DYM: variants seen among roughly 807,000 people sequenced by gnomAD.
The protein encoded by DYM is dyggve-Melchior-Clausen syndrome protein.
A neutral mutation model predicts 93.1 loss-of-function variants in DYM; 78 were observed. That is an observed-to-expected ratio of 0.84 (90% CI 0.70 to 1.01). DYM has a LOEUF of 1.01. DYM is among the 50% of genes least tolerant of loss of function. The pLI is 0.00. For missense variants in DYM, 789 were observed against 845.0 expected (o/e 0.93, Z 0.82); for synonymous variants, 321 against 319.7 (o/e 1.00, Z -0.04).
At chr18:49,333,211 G>C (rs577321919) in intron 7 of DYM, among the ~76,000 whole-genome samples, 1 of 152,160 alleles carries the variant, frequency 6.6e-6, no homozygotes, top group South Asian at 2.1e-4. Context: ...CTAGGAGATC[G>C]TAAGCTTCTG....
chr18:49,439,440 A>C (rs1482336013), intron 1 of DYM, among the ~76,000 whole-genome samples: 2 of 152,178 alleles, frequency 1.3e-5, no homozygotes, highest in African/African-American at 4.8e-5. Flanking sequence ...GCTGCCTTGA[A>C]ATGTTATTTT....
chr18:49,293,671 G>C (rs998966390), intron 8 of DYM, among the ~76,000 whole-genome samples: 3 of 152,068 alleles, frequency 2.0e-5, no homozygotes, highest in African/African-American at 7.2e-5. Flanking sequence ...GGGGTTGTTT[G>C]CTTTTTTTCT....
intron 6 of DYM, among the ~76,000 whole-genome samples, chr18:49,340,187 C>T (rs867916462): frequency 2.0e-5 from 3 of 152,154 alleles, no homozygotes; most frequent in Middle Eastern, 3.4e-3. Context: ...CTCCTGATCT[C>T]GTGATCCGCC....
intron 13 of DYM, among the ~76,000 whole-genome samples, chr18:49,243,524 G>T (rs2094085677): frequency 1.3e-5 from 2 of 151,932 alleles, no homozygotes; most frequent in Non-Finnish European, 2.9e-5. Context: ...AGTTATCAAG[G>T]TGTGGTGGTA....
intron 8 of DYM, among the ~76,000 whole-genome samples, chr18:49,322,192 C>A (rs1017266399): frequency 6.6e-6 from 1 of 152,012 alleles, no homozygotes; most frequent in African/African-American, 2.4e-5. Context: ...CTTGGACACC[C>A]ACCATTGCAA....
chr18:49,252,525 T>A (rs2094313384), intron 13 of DYM, among the ~76,000 whole-genome samples: 1 of 152,152 alleles, frequency 6.6e-6, no homozygotes, highest in African/African-American at 2.4e-5. Context: ...CCTTCACATG[T>A]GGGGATTATG....
At chr18:49,111,384 T>C (rs906862236) in intron 16 of DYM, among the ~76,000 whole-genome samples, 7 of 152,218 alleles carry the variant, frequency 4.6e-5, no homozygotes, top group African/African-American at 1.7e-4. Flanking sequence ...TCACTGAGTC[T>C]GGGTCTGTTG....
At chr18:49,378,975 A>G (rs919641078) in intron 4 of DYM, among the ~76,000 whole-genome samples, 12 of 152,190 alleles carry the variant, frequency 7.9e-5, no homozygotes, top group Admixed American at 1.3e-4. Flanking sequence ...TTTGTTCTTA[A>G]TAGGTATACC....
intron 1 of DYM, among the ~76,000 whole-genome samples, chr18:49,437,123 T>G (rs1215628884): frequency 6.6e-6 from 1 of 152,174 alleles, no homozygotes; most frequent in Non-Finnish European, 1.5e-5. Flanking sequence ...ATACAAAAGC[T>G]TCAAAGGATA....
intron 1 of DYM, among the ~76,000 whole-genome samples, chr18:49,453,348 T>C (rs1368334648): frequency 6.6e-6 from 1 of 152,164 alleles, no homozygotes; most frequent in Non-Finnish European, 1.5e-5. Context: ...CAGGTCCCCT[T>C]CCACACTGCG....
intron 13 of DYM, among the ~76,000 whole-genome samples, chr18:49,254,325 T>TATATATATATATATAC (rs1279388698): frequency 3.6e-4 from 50 of 138,550 alleles, no homozygotes; most frequent in South Asian, 9.2e-4. Context: ...TATATATATA[T>TATATATATATATATAC]ACACACATAG....
chr18:49,109,986 G>A (rs1236583951), intron 16 of DYM, among the ~76,000 whole-genome samples: 1 of 152,126 alleles, frequency 6.6e-6, no homozygotes, highest in Admixed American at 6.5e-5. Flanking sequence ...ACAATACATT[G>A]TTACTATCTT....
At chr18:49,391,477 T>C (rs889244907) in intron 3 of DYM, 116 bp downstream of exon 3, 2 of 1,088,926 alleles carry the variant, frequency 1.8e-6, no homozygotes, top group African/African-American at 1.6e-5. Flanking sequence ...ATAGAAAAAA[T>C]TATTACTATT....
intron 2 of DYM, among the ~76,000 whole-genome samples, chr18:49,414,468 T>C (rs1018103601): frequency 1.0e-3 from 155 of 152,268 alleles, no homozygotes; most frequent in African/African-American, 3.7e-3. Context: ...AATTCCCAAA[T>C]AGTGATAATG....
rs1452041255 is a variant in DYM at position 49,258,839 on chromosome 18, C to CACAGAGAG, written c.1252-347_1252-346insCTCTCTGT. 3.6e-4 allele frequency among the ~76,000 whole-genome samples: 41 copies of CACAGAGAG among 113,740 alleles called. No individual in the cohort carries two copies. In the East Asian group the frequency reaches 8.4e-3, roughly 23 times the overall value. The allele number at this position is 113,740 out of a possible 152,430, so 74.6% of individuals were successfully genotyped here. A position where few individuals can be genotyped will look rare whatever the true frequency, so the allele number is the denominator to read the frequency against. On this transcript the variant is annotated intron_variant, in intron 11 of 17. Coordinates refer to ENST00000675505, the MANE Select transcript of DYM (RefSeq NM_001353214.3). ...ACACACACAGAGACACACACACACA[C>CACAGAGAG]AGAGAGAGAGAGAGAGAGAGAGAGA...
At chr18:49,415,915 G>A (rs755065073) in intron 2 of DYM, among the ~76,000 whole-genome samples, 4 of 135,738 alleles carry the variant, frequency 2.9e-5, no homozygotes, top group East Asian at 2.5e-4. Flanking sequence ...CAACAAGAGC[G>A]AAACTCTGAC....
intron 16 of DYM, among the ~76,000 whole-genome samples, chr18:49,099,818 T>A (rs1162674937): frequency 6.6e-6 from 1 of 152,206 alleles, no homozygotes; most frequent in East Asian, 1.9e-4. Flanking sequence ...TGGATCCATT[T>A]TCTGTGAGAT....
At chr18:49,054,344 T>G (rs2075289825) in intron 17 of DYM, among the ~76,000 whole-genome samples, 2 of 152,086 alleles carry the variant, frequency 1.3e-5, no homozygotes, top group Admixed American at 1.3e-4. Flanking sequence ...CGGGTTTAAG[T>G]GATTCTCCTG....
intron 2 of DYM, among the ~76,000 whole-genome samples, chr18:49,394,069 GC>G (rs1406379748): frequency 2.6e-5 from 4 of 152,118 alleles, no homozygotes; most frequent in African/African-American, 9.7e-5. Flanking sequence ...GTTAATGATT[GC>G]ATGATAATGT....
Sources: gnomAD v4.1 joint callset for allele counts (sites outside exome capture counted in the v4.1 genomes callset) on GRCh38, gnomAD v4.1.1 for gene constraint, MANE v1.5 for transcripts, NCBI Gene and HGNC (gene_info 2026-07-23, HGNC 2026-07-21) for gene names.